The following ASTN2 variants were observed in gnomAD, a reference collection of about 807,000 sequenced individuals.
ASTN2 encodes astrotactin 2, also known as astrotactin-2.
In ASTN2, 54 loss-of-function variants were observed where a neutral mutation model predicts 139.8. The ratio of observed to expected loss-of-function variants is 0.39; its 90% confidence interval spans 0.31 to 0.48. The LOEUF (loss-of-function observed/expected upper bound fraction) is 0.48. ASTN2 is among the 20% of genes least tolerant of loss of function. The pLI is 0.95. For missense variants in ASTN2, 1,565 were observed against 1,725.1 expected (o/e 0.91, Z 1.64); for synonymous variants, 756 against 719.5 (o/e 1.05, Z -0.81).
chr9:116,532,720 T>C (rs1020534904), intron 19 of ASTN2, among the ~76,000 whole-genome samples: 2 of 152,232 alleles, frequency 1.3e-5, no homozygotes, highest in African/African-American at 4.8e-5. Context: ...CATTGGTCTA[T>C]ATCTCTGTTT....
chr9:116,845,870 G>GAT (rs1205608746), intron 11 of ASTN2, among the ~76,000 whole-genome samples: 1 of 152,048 alleles, frequency 6.6e-6, no homozygotes, highest in Non-Finnish European at 1.5e-5. Context: ...TGCACTTCTG[G>GAT]ATATATATCC....
chr9:117,039,581 A>T (rs1036500468), intron 6 of ASTN2, among the ~76,000 whole-genome samples: 1 of 152,150 alleles, frequency 6.6e-6, no homozygotes, highest in African/African-American at 2.4e-5. Context: ...ATGTATCCCC[A>T]AACTTAGAGT....
At chr9:117,106,749 A>G (rs1829114242) in intron 4 of ASTN2, among the ~76,000 whole-genome samples, 1 of 152,070 alleles carries the variant, frequency 6.6e-6, no homozygotes, top group African/African-American at 2.4e-5. Context: ...ACTTGAGCAT[A>G]TCCTGTGAAT....
At chr9:117,054,384 A>G (rs1838998856) in intron 5 of ASTN2, among the ~76,000 whole-genome samples, 1 of 152,188 alleles carries the variant, frequency 6.6e-6, no homozygotes, top group Non-Finnish European at 1.5e-5. Flanking sequence ...CCTGTTCATC[A>G]TAGGAAGAAA....
rs370354821 is a variant in ASTN2 at position 117,141,478 on chromosome 9, G to A, written c.1016C>T (p.Ala339Val). The change falls in exon 4 of 23, where the codon GCA (alanine) becomes GTA (valine). Residue 339 changes from alanine (A) to valine (V), a missense_variant and splice_region_variant. Around this residue, in one of 4 missense-constraint regions of ASTN2, gnomAD observed 596 missense variants for 576.8 expected, o/e 1.03. Coordinates refer to ENST00000313400, the MANE Select transcript of ASTN2 (RefSeq NM_001365068.1). ...GEEKVDFEKK[A>V]AAEATQETVE... ...TGTCTCCTGAGTCGCCTCAGCTGCTGCTATAAGGTAGCAATGGGGCTGAGG... is the reference window on the plus strand; with the variant it reads ...TGTCTCCTGAGTCGCCTCAGCTGCTACTATAAGGTAGCAATGGGGCTGAGG... 7.3e-6 allele frequency: 10 copies of A among 1,366,616 alleles called. No homozygotes were observed. The highest frequency in any genetic ancestry group is 4.6e-5 in the East Asian group (1 of 21,918). 84.7% of individuals were successfully genotyped at this position (1,366,616 alleles called of 1,614,324 possible). A position where few individuals can be genotyped will look rare whatever the true frequency, so the allele number is the denominator to read the frequency against.
Position 117,086,416 on chromosome 9 carries a change from T to C in ASTN2, c.1276+9628A>G, listed in dbSNP as rs528259647. ...GGTGAAACCCCATCTCTACTAAAAATACAAAAAATTAGCCAAACATGGTGG... is the reference window on the plus strand; with the variant it reads ...GGTGAAACCCCATCTCTACTAAAAACACAAAAAATTAGCCAAACATGGTGG... On this transcript the variant is annotated intron_variant, in intron 5 of 22. Transcript: ENST00000313400. Among the ~76,000 whole-genome samples, 6 of 152,112 alleles carry C rather than the reference T, an allele frequency of 3.9e-5. No homozygotes were observed. In the East Asian group the frequency reaches 9.7e-4, roughly 25 times the overall value.
At chr9:117,366,905 G>C (rs1345163057) in intron 1 of ASTN2, among the ~76,000 whole-genome samples, 1 of 152,056 alleles carries the variant, frequency 6.6e-6, no homozygotes, top group Non-Finnish European at 1.5e-5. Context: ...CTCCTGAGTA[G>C]CTGGGACTAC....
intron 1 of ASTN2, among the ~76,000 whole-genome samples, chr9:117,327,929 G>C (rs546389548): frequency 6.6e-6 from 1 of 152,130 alleles, no homozygotes; most frequent in Non-Finnish European, 1.5e-5. Context: ...AGAGTTTGGC[G>C]TCTAGTAAGT....
intron 11 of ASTN2, among the ~76,000 whole-genome samples, chr9:116,839,680 T>A (rs1470601153): frequency 1.3e-5 from 2 of 151,194 alleles, no homozygotes; most frequent in African/African-American, 4.9e-5. Context: ...ATATATATAT[T>A]TTTTTCCTGA....
At chr9:117,288,769 C>T (rs1196879951) in intron 2 of ASTN2, among the ~76,000 whole-genome samples, 8 of 152,276 alleles carry the variant, frequency 5.3e-5, no homozygotes, top group South Asian at 2.1e-4. Flanking sequence ...CAGGCCAAGC[C>T]CTGCTGACTG....
chr9:117,242,638 T>C (rs563048645), intron 2 of ASTN2, among the ~76,000 whole-genome samples: 67 of 152,312 alleles, frequency 4.4e-4, no homozygotes, highest in African/African-American at 1.6e-3. Context: ...CTGCTACCAG[T>C]CTATTCTCAA....
At chr9:117,272,221 G>A (rs1362706877) in intron 2 of ASTN2, among the ~76,000 whole-genome samples, 5 of 152,196 alleles carry the variant, frequency 3.3e-5, no homozygotes, top group Non-Finnish European at 5.9e-5. Flanking sequence ...CAAGCCTTGG[G>A]GCTTCAACCC....
intron 19 of ASTN2, among the ~76,000 whole-genome samples, chr9:116,491,716 T>A (rs1564315316): frequency 6.6e-6 from 1 of 152,206 alleles, no homozygotes; most frequent in Admixed American, 6.5e-5. Context: ...GAGGGGGTAC[T>A]AAGAAAGGCA....
chr9:117,245,115 G>A (rs182094058), intron 2 of ASTN2, among the ~76,000 whole-genome samples: 4 of 152,150 alleles, frequency 2.6e-5, no homozygotes, highest in Admixed American at 1.3e-4. Context: ...TGGCCTCCAC[G>A]GTAATGACCC....
chr9:116,919,433 A>G (rs181404684), intron 10 of ASTN2, among the ~76,000 whole-genome samples: 10 of 152,244 alleles, frequency 6.6e-5, no homozygotes, highest in African/African-American at 2.4e-4. Flanking sequence ...TAATACCTCA[A>G]TTTCCTTGGG....
chr9:117,183,552 G>C (rs929310709), intron 3 of ASTN2, among the ~76,000 whole-genome samples: 1 of 152,148 alleles, frequency 6.6e-6, no homozygotes, highest in Non-Finnish European at 1.5e-5. Flanking sequence ...GAGAGGAAGG[G>C]GAGCATTTAC....
intron 13 of ASTN2, among the ~76,000 whole-genome samples, chr9:116,763,238 T>C (rs972243157): frequency 1.3e-5 from 2 of 152,198 alleles, no homozygotes; most frequent in African/African-American, 2.4e-5. Context: ...AGGTGCTGAA[T>C]AGTAATTCTC....
At chr9:116,885,857 T>C (rs535626031) in intron 10 of ASTN2, among the ~76,000 whole-genome samples, 1 of 151,020 alleles carries the variant, frequency 6.6e-6, no homozygotes, top group East Asian at 1.9e-4. Context: ...TTTCAAAGCA[T>C]GTCCATCCAT....
chr9:117,372,136 G>A (rs189426895), intron 1 of ASTN2, among the ~76,000 whole-genome samples: 5 of 152,102 alleles, frequency 3.3e-5, no homozygotes, highest in East Asian at 1.9e-4. Flanking sequence ...TAAGAGGCCC[G>A]ACTGCAGTCC....
Sources: allele counts gnomAD v4.1 joint callset (sites outside exome capture counted in the v4.1 genomes callset), GRCh38; gene constraint gnomAD v4.1.1; regional missense constraint gnomAD v4.1.1; transcripts MANE v1.5; gene names NCBI Gene and HGNC (gene_info 2026-07-23, HGNC 2026-07-21).